Variants in SCMH1 observed in about 807,000 individuals in gnomAD.
SCMH1 encodes the protein Scm polycomb group protein homolog 1.
Under a neutral mutation model 70.8 loss-of-function variants are expected in SCMH1, and 37 were observed. That is an observed-to-expected ratio of 0.52 (90% CI 0.40 to 0.69). The LOEUF is 0.69. Ranked by LOEUF, SCMH1 falls within the 30% of genes least tolerant of loss-of-function variation. The pLI, the probability that SCMH1 is intolerant of heterozygous loss-of-function variation, is 0.00. For missense variants in SCMH1, 607 were observed against 827.3 expected, an observed-to-expected ratio of 0.73 and a Z score of 3.27; for synonymous variants, 292 against 307.4, an observed-to-expected ratio of 0.95 and a Z score of 0.52.
chr1:41,040,495 G>A (rs574303675), intron 12 of SCMH1, among the ~76,000 whole-genome samples: 8 of 152,158 alleles, frequency 5.3e-5, no homozygotes, highest in African/African-American at 1.7e-4. Context: ...GAAGATTGGA[G>A]GTAGATTTGC....
chr1:41,052,784 A>G (rs1648683445), intron 10 of SCMH1, among the ~76,000 whole-genome samples: 1 of 152,200 alleles, frequency 6.6e-6, no homozygotes, highest in Non-Finnish European at 1.5e-5. Flanking sequence ...CTATGGTGAT[A>G]AAAATCAGCA....
At chr1:41,039,550 C>G (rs768603421) in intron 12 of SCMH1, among the ~76,000 whole-genome samples, 1 of 151,720 alleles carries the variant, frequency 6.6e-6, no homozygotes, top group Non-Finnish European at 1.5e-5. Context: ...ACTCACTGCA[C>G]TCCTCTGCAA....
In SCMH1 at chr1:41,119,627, A is replaced by G. The variant is rs186980223; in HGVS notation, c.413-2617T>C. 4.4e-3 allele frequency among the ~76,000 whole-genome samples: 670 copies of G among 152,240 alleles called. 1 individual carries two copies. The highest frequency in any genetic ancestry group is 6.9e-3 in the Non-Finnish European group (472 of 68,004). Reference sequence around the variant, plus strand: ...CATGTTAGGCCAGTTGTTTTTTGACATGAGATTGACGTTGGAGAAGAACAT... The same window carrying G: ...CATGTTAGGCCAGTTGTTTTTTGACGTGAGATTGACGTTGGAGAAGAACAT... On this transcript the variant is annotated intron_variant, in intron 6 of 14. Transcript: ENST00000337495.
rs1467706373 is a variant in SCMH1, at chr1:41,113,843, T to C, written c.502-317A>G. 2.0e-5 allele frequency among the ~76,000 whole-genome samples: 3 copies of C among 152,154 alleles called. No homozygotes were observed. Among genetic ancestry groups the C allele is most frequent in the Non-Finnish European group, 4.4e-5 (3 of 68,028 alleles). The stretch of plus-strand genomic sequence containing the variant: ...CTACCACGGAGGTAACAGCTACCCA[T>C]GCATGTTTTATATTTTACTATATAC... On this transcript the variant is annotated intron_variant, in intron 7 of 14. Coordinates refer to ENST00000337495, the Ensembl canonical transcript of SCMH1. The surrounding 1 kb of genome is among the most constrained non-coding windows in gnomAD (Gnocchi z 4.3).
chr1:41,163,193 G>C (rs1646179225), intron 2 of SCMH1, among the ~76,000 whole-genome samples: 1 of 151,748 alleles, frequency 6.6e-6, no homozygotes, highest in Non-Finnish European at 1.5e-5. Context: ...TGGTGTGCCT[G>C]GTCCAGCTGC....
chr1:41,196,914 G>T (rs1255772772), intron 1 of SCMH1, among the ~76,000 whole-genome samples: 1 of 152,074 alleles, frequency 6.6e-6, no homozygotes, highest in Non-Finnish European at 1.5e-5. Flanking sequence ...CTCCAAAGAA[G>T]ATATACAGAT....
chr1:41,219,528 T>C lies in SCMH1; in HGVS notation c.-118+22531A>G, dbSNP rs182335028. On this transcript the variant is annotated intron_variant, in intron 1 of 14. Coordinates refer to ENST00000337495, the Ensembl canonical transcript of SCMH1. The stretch of plus-strand genomic sequence containing the variant: ...CTGGGTGGTTGGTGTCAGAACTGAA[T>C]TGAAATACGTCAGATGTCATCAGAA... Among the ~76,000 whole-genome samples the C allele has an allele frequency of 6.6e-4, 100 of 152,308 alleles. No homozygotes were observed. In the East Asian group the frequency reaches 0.013, roughly 20 times the overall value.
chr1:41,035,562 G>C (rs573011722), intron 13 of SCMH1, among the ~76,000 whole-genome samples: 49 of 152,168 alleles, frequency 3.2e-4, no homozygotes, highest in African/African-American at 1.2e-3. Flanking sequence ...ATTCACTGAT[G>C]GACACACTCA....
chr1:41,157,221 A>G (rs1292683121), intron 4 of SCMH1, among the ~76,000 whole-genome samples: 1 of 152,124 alleles, frequency 6.6e-6, no homozygotes, highest in Admixed American at 6.5e-5. Context: ...TATTTGCTAA[A>G]ACTGTGTTTT....
intron 8 of SCMH1, among the ~76,000 whole-genome samples, chr1:41,093,670 T>G (rs974128485): frequency 2.6e-5 from 4 of 152,220 alleles, no homozygotes; most frequent in Non-Finnish European, 5.9e-5. Flanking sequence ...GCATTGGTCA[T>G]TTGTAAAACA....
intron 10 of SCMH1, among the ~76,000 whole-genome samples, chr1:41,064,281 A>G (rs1056841118): frequency 1.3e-5 from 2 of 152,216 alleles, no homozygotes; most frequent in African/African-American, 2.4e-5. Context: ...ACCTAGAGCT[A>G]ACATCATACT....
chr1:41,126,184 C>T (rs530848879), intron 6 of SCMH1, among the ~76,000 whole-genome samples: 2 of 152,060 alleles, frequency 1.3e-5, no homozygotes, highest in African/African-American at 4.8e-5. Context: ...ATGCCAAAAC[C>T]ACAAACATTA....
chr1:41,222,395 T>A (rs917438556), intron 1 of SCMH1, among the ~76,000 whole-genome samples: 2 of 152,170 alleles, frequency 1.3e-5, no homozygotes, highest in African/African-American at 4.8e-5. Flanking sequence ...AAACACTGGA[T>A]TTCCTCAAAA....
intron 13 of SCMH1, among the ~76,000 whole-genome samples, chr1:41,034,303 C>T (rs568200638): frequency 5.6e-4 from 84 of 150,036 alleles, no homozygotes; most frequent in African/African-American, 1.7e-3. Context: ...AAGCTCTCTC[C>T]GCTGAGGTGA....
chr1:41,151,733 T>C (rs1020240655), intron 4 of SCMH1, 49 bp from the exon 5 acceptor site: 38 of 1,371,682 alleles, frequency 2.8e-5, no homozygotes, highest in Non-Finnish European at 3.5e-5. Flanking sequence ...CTAAAAAAAA[T>C]GTTTTCAGGG....
chr1:41,228,476 C>A (rs1466121367), intron 1 of SCMH1, among the ~76,000 whole-genome samples: 1 of 151,966 alleles, frequency 6.6e-6, no homozygotes, highest in Non-Finnish European at 1.5e-5. Context: ...TTAAGACCAG[C>A]AGGAAGCATA....
At chr1:41,196,497 G>A (rs1653051169) in intron 1 of SCMH1, among the ~76,000 whole-genome samples, 1 of 152,088 alleles carries the variant, frequency 6.6e-6, no homozygotes, top group Non-Finnish European at 1.5e-5. Context: ...CCAGATGCAG[G>A]AGAATGAAGT....
chr1:41,122,967 C>T (rs953348693), intron 6 of SCMH1, among the ~76,000 whole-genome samples: 2 of 152,134 alleles, frequency 1.3e-5, no homozygotes, highest in African/African-American at 4.8e-5. Flanking sequence ...CACCTGTAAT[C>T]GCAGCATTTT....
At chr1:41,195,219 C>G (rs7525232) in intron 1 of SCMH1, among the ~76,000 whole-genome samples, 69,352 of 143,722 alleles carry the variant, frequency 0.48, 17,773 homozygotes, top group Admixed American at 0.61. Context: ...AAACATGAAA[C>G]TAGCCATAGA....
Sources: gnomAD v4.1 joint callset for allele counts (sites outside exome capture counted in the v4.1 genomes callset) on GRCh38, gnomAD v4.1.1 for gene constraint, Gnocchi (gnomAD v3.1) non-coding constraint, MANE v1.5 for transcripts, NCBI Gene and HGNC (gene_info 2026-07-23, HGNC 2026-07-21) for gene names.